LVRN: variants seen among roughly 807,000 people sequenced by gnomAD.
LVRN encodes the protein laeverin.
Under a neutral mutation model 111.4 loss-of-function variants are expected in LVRN, and 99 were observed. That is an observed-to-expected ratio of 0.89 (90% CI 0.76 to 1.05). LVRN has a LOEUF of 1.05. Ranked by LOEUF, LVRN falls within the 50% of genes least tolerant of loss-of-function variation. The pLI is 0.00. For missense variants in LVRN, 1,414 were observed against 1,206.8 expected, an observed-to-expected ratio of 1.17 and a Z score of -2.54; for synonymous variants, 488 against 449.5, an observed-to-expected ratio of 1.09 and a Z score of -1.08.
chr5:115,999,725 C>T lies in LVRN; in HGVS notation c.1375-37C>T, dbSNP rs1397663010. On this transcript the variant is annotated intron_variant, in intron 6 of 19. Coordinates refer to ENST00000357872, the MANE Select transcript of LVRN (RefSeq NM_173800.5). The stretch of plus-strand genomic sequence containing the variant: ...ATAGAATTTTGGTCTTCTGTGACAC[C>T]TCAGGAGTTAATGTGCCTCCATCTT... 4 of 1,608,084 alleles carry T rather than the reference C, an allele frequency of 2.5e-6. No individual in the cohort carries two copies. The African/African-American group carries it at 4.0e-5, about 16-fold the overall frequency.
chr5:116,011,022 TATATGGAAGTATATA>T, intron 14 of LVRN, 128 bp downstream of exon 14: 1 of 302,420 alleles, frequency 3.3e-6, no homozygotes, highest in Non-Finnish European at 5.5e-6. Flanking sequence ...TATATATATA[TATATGGAAGTATATA>T]CATTTCCTTA....
Position 116,003,327 on chromosome 5 carries a change from T to G in LVRN, c.1984T>G (p.Tyr662Asp), listed in dbSNP as rs1748280234. The change falls in exon 12 of 20, where the codon TAT becomes GAT. Residue 662 changes from tyrosine to aspartate, a missense_variant. By Grantham distance (160) the Tyr-to-Asp change is radical (BLOSUM62 -3). Transcript: ENST00000357872. The part of the protein sequence containing the change: ...LNMTGYYRVN[Y>D]DKLGWKKLNQ... ...TATGACTGGATATTATAGAGTTAAT[T>G]ATGATAAATTAGGTTGGAAGAAACT... The G allele has an allele frequency of 1.3e-6, 2 of 1,530,298 alleles. No homozygotes were observed. The highest frequency in any genetic ancestry group is 4.7e-5 in the East Asian group (2 of 42,752). The allele number at this position is 1,530,298 out of a possible 1,614,324, so 94.8% of individuals were successfully genotyped here.
In LVRN at chr5:116,015,715, G is replaced by C. The variant is rs201285436; in HGVS notation, c.2706G>C (p.Arg902=). ...TTGTGGCTTCATCTGAAGTTGGCCG[G>C]TATGTCGCAAAAGACTTCTTAGTCA... The part of the protein sequence containing the change: ...IEVVASSEVG[R]YVAKDFLVNN... The change falls in exon 18 of 20, where the codon CGG becomes CGC. Residue 902 remains arginine, a synonymous_variant. Transcript: ENST00000357872. 38 of 1,613,286 alleles carry C rather than the reference G, an allele frequency of 2.4e-5. No individual in the cohort carries two copies. Among genetic ancestry groups the C allele is most frequent in the Non-Finnish European group, 3.1e-5 (36 of 1,179,596 alleles).
Position 116,013,825 on chromosome 5 carries a change from A to G in LVRN, c.2343-595A>G, listed in dbSNP as rs561571217. On this transcript the variant is annotated intron_variant, in intron 15 of 19. Transcript: ENST00000357872. ...GTCTTCACTGTATTCTTTTGAACTTATTTTGTTTTGAAGTACAGTGTACAC... is the reference window on the plus strand; with the variant it reads ...GTCTTCACTGTATTCTTTTGAACTTGTTTTGTTTTGAAGTACAGTGTACAC... Among the ~76,000 whole-genome samples the G allele has an allele frequency of 3.3e-5, 5 of 152,286 alleles. No homozygotes were observed. The East Asian group carries it at 9.6e-4, about 29-fold the overall frequency.
chr5:115,973,931 C>G (rs2112558093), intron 1 of LVRN, among the ~76,000 whole-genome samples: 1 of 152,166 alleles, frequency 6.6e-6, no homozygotes, highest in South Asian at 2.1e-4. Context: ...TTTTTTGAGG[C>G]TGGTAAATAT....
intron 14 of LVRN, among the ~76,000 whole-genome samples, chr5:116,011,368 C>A (rs115561226): frequency 6.6e-6 from 1 of 151,222 alleles, no homozygotes; most frequent in Non-Finnish European, 1.5e-5. Flanking sequence ...TTTGAAGATG[C>A]TTTTGATATT....
intron 13 of LVRN, among the ~76,000 whole-genome samples, chr5:116,009,863 A>G (rs1290446125): frequency 6.6e-6 from 1 of 152,202 alleles, no homozygotes; most frequent in Non-Finnish European, 1.5e-5. Flanking sequence ...ATGACAACAA[A>G]GGATTGAGAA....
chr5:116,018,791 C>A (rs2560692), intron 18 of LVRN, among the ~76,000 whole-genome samples: 45,405 of 152,128 alleles, frequency 0.3, 7,457 homozygotes, highest in African/African-American at 0.42. Context: ...TTATTTATCT[C>A]AATTCCAGAA....
At chr5:115,989,773 G>T (rs28505580) in intron 4 of LVRN, among the ~76,000 whole-genome samples, 1 of 152,042 alleles carries the variant, frequency 6.6e-6, no homozygotes, top group African/African-American at 2.4e-5. Flanking sequence ...CCCTATGAGC[G>T]CCCATAGGAG....
At chr5:116,004,304 G>A (rs1172702780) in intron 12 of LVRN, among the ~76,000 whole-genome samples, 1 of 152,176 alleles carries the variant, frequency 6.6e-6, no homozygotes, top group South Asian at 2.1e-4. Context: ...ATTTTAACTG[G>A]ATTAAACTAA....
intron 1 of LVRN, among the ~76,000 whole-genome samples, chr5:115,979,870 G>T (rs904434686): frequency 6.6e-6 from 1 of 152,156 alleles, no homozygotes. Flanking sequence ...GACATACAAA[G>T]TTCATAAAAT....
chr5:116,015,118 C>T, intron 16 of LVRN, 134 bp from the exon 17 acceptor site: 1 of 571,380 alleles, frequency 1.8e-6, no homozygotes, highest in Non-Finnish European at 2.7e-6. Context: ...CTGATAATTG[C>T]CTCTCTAGAT....
intron 19 of LVRN, among the ~76,000 whole-genome samples, chr5:116,025,439 A>G (rs1748843201): frequency 6.6e-6 from 1 of 152,150 alleles, no homozygotes; most frequent in Non-Finnish European, 1.5e-5. Context: ...ATTCACTTGG[A>G]GTCTGACTTA....
chr5:115,975,807 G>A (rs1158697501), intron 1 of LVRN: 1 of 152,524 alleles, frequency 6.6e-6, no homozygotes, highest in Non-Finnish European at 1.5e-5. Context: ...TTGCACTTGG[G>A]ATATTGAACT....
At chr5:115,989,550 C>T (rs964689265) in intron 4 of LVRN, among the ~76,000 whole-genome samples, 4 of 152,152 alleles carry the variant, frequency 2.6e-5, no homozygotes, top group South Asian at 2.1e-4. Flanking sequence ...CATTAGACCT[C>T]GGAGTTAGGA....
intron 14 of LVRN, among the ~76,000 whole-genome samples, chr5:116,012,117 ATATAT>A (rs1472632271): frequency 6.6e-6 from 1 of 152,194 alleles, no homozygotes; most frequent in African/African-American, 2.4e-5. Context: ...TGTGCTTGCA[ATATAT>A]TATATTATTT....
chr5:116,007,211 C>A (rs1428449781), intron 13 of LVRN, among the ~76,000 whole-genome samples: 1 of 152,144 alleles, frequency 6.6e-6, no homozygotes, highest in African/African-American at 2.4e-5. Context: ...ACATCAATTT[C>A]ATTATGCTAT....
chr5:115,986,491 T>C (rs1747868876), intron 3 of LVRN, among the ~76,000 whole-genome samples: 1 of 152,122 alleles, frequency 6.6e-6, no homozygotes, highest in Non-Finnish European at 1.5e-5. Context: ...AACAAGGAAA[T>C]GGAGCATACC....
At chr5:116,016,266 A>C (rs935204113) in intron 18 of LVRN, among the ~76,000 whole-genome samples, 1 of 152,232 alleles carries the variant, frequency 6.6e-6, no homozygotes, top group Non-Finnish European at 1.5e-5. Flanking sequence ...TTTTATTTAT[A>C]GTCAAAATGA....
Sources: allele counts gnomAD v4.1 joint callset (sites outside exome capture counted in the v4.1 genomes callset), GRCh38; gene constraint gnomAD v4.1.1; transcripts MANE v1.5; gene names NCBI Gene and HGNC (gene_info 2026-07-23, HGNC 2026-07-21).